The following PSMD12 variants were observed in gnomAD, a reference collection of about 807,000 sequenced individuals.
PSMD12 encodes the protein proteasome 26S subunit, non-ATPase 12.
Under a neutral mutation model 62.9 loss-of-function variants are expected in PSMD12, and 8 were observed. That is an observed-to-expected ratio of 0.13 (90% CI 0.07 to 0.23). The LOEUF is 0.23. PSMD12 is among the 10% of genes least tolerant of loss of function. The probability of loss-of-function intolerance (pLI) is 1.00; values close to 1 mark genes in which losing one functional copy is unlikely to be tolerated. For synonymous variants in PSMD12, 173 were observed against 187.4 expected, an observed-to-expected ratio of 0.92 and a Z score of 0.63; for missense variants, 424 against 550.2, an observed-to-expected ratio of 0.77 and a Z score of 2.29.
At chr17:67,342,363 G>C in intron 9 of PSMD12, 100 bp from the exon 10 acceptor site, 1 of 770,286 alleles carries the variant, frequency 1.3e-6, no homozygotes, top group East Asian at 2.6e-5. Context: ...TAAAATGTTA[G>C]ACTCAGAGCT....
intron 1 of PSMD12, 107 bp downstream of exon 1, chr17:67,366,305 C>A (rs975204837): frequency 2.8e-6 from 3 of 1,077,250 alleles, no homozygotes; most frequent in Non-Finnish European, 4.0e-6. Context: ...GCTGGACAGG[C>A]ATTGGGGGGT....
In PSMD12 at chr17:67,350,258, C is replaced by G; in HGVS notation, c.376G>C (p.Asp126His). Residue 126 changes from aspartate to histidine, a missense_variant, in exon 4 of 11, where the codon GAT becomes CAT. Physicochemically the swap from Asp to His is moderately conservative, Grantham distance 81. Transcript: ENST00000356126. ...CCTTCGGTAACCATTCGTAGAGTAT[C>G]AATTAATCGAAGTTTGATAGGAAGG... is the stretch of plus-strand genomic sequence containing the variant. ...TDLPIKLRLIDTLRMVTEGKI... is the reference protein window; with the variant it reads ...TDLPIKLRLIHTLRMVTEGKI... 1 of 1,612,594 alleles carries G rather than the reference C, an allele frequency of 6.2e-7. No individual in the cohort carries two copies. The highest frequency in any genetic ancestry group is 8.5e-7 in the Non-Finnish European group (1 of 1,179,276).
At chr17:67,348,165 G>A (rs1428830790) in intron 5 of PSMD12, among the ~76,000 whole-genome samples, 1 of 152,140 alleles carries the variant, frequency 6.6e-6, no homozygotes, top group Non-Finnish European at 1.5e-5. Flanking sequence ...TGGGTCATAT[G>A]GTAAGCATAT....
Position 67,339,968 on chromosome 17 carries a change from A to G in PSMD12, c.*875T>C, listed in dbSNP as rs1048300185. 1 of 151,780 alleles carries G rather than the reference A, an allele frequency of 6.6e-6. No individual in the cohort carries two copies. The highest frequency in any genetic ancestry group is 2.4e-5 in the African/African-American group (1 of 41,364). The allele number at this position is 151,780 out of a possible 1,614,324, so 9.4% of individuals were successfully genotyped here. The stretch of plus-strand genomic sequence containing the variant: ...AATGGAACTAAAAGTTCCTACAGAG[A>G]TAATGAATTTGGAACAATAATGATG... On this transcript the variant is annotated 3_prime_UTR_variant, in exon 11 of 11. Transcript: ENST00000356126.
At chr17:67,356,070 C>G (rs1028330225) in intron 3 of PSMD12, among the ~76,000 whole-genome samples, 6 of 152,018 alleles carry the variant, frequency 3.9e-5, no homozygotes, top group Non-Finnish European at 7.4e-5. Flanking sequence ...TCAGTTTTCT[C>G]AGGCAGGCAC....
intron 7 of PSMD12, among the ~76,000 whole-genome samples, chr17:67,346,190 C>G (rs1008036292): frequency 9.9e-5 from 15 of 151,876 alleles, no homozygotes; most frequent in African/African-American, 3.1e-4. Context: ...GTCAGGAGAT[C>G]GAGACCATCC....
intron 8 of PSMD12, among the ~76,000 whole-genome samples, chr17:67,345,100 T>A (rs188867572): frequency 6.6e-6 from 1 of 152,334 alleles, no homozygotes; most frequent in East Asian, 1.9e-4. Flanking sequence ...CTATTTTATA[T>A]AATAGATTTT....
In PSMD12 at chr17:67,340,024, AAGCC is replaced by A. The variant is rs2041896755; in HGVS notation, c.*815_*818del. 2.0e-5 allele frequency: 3 copies of A among 151,084 alleles called. No homozygotes were observed. Among genetic ancestry groups the A allele is most frequent in the Non-Finnish European group, 4.4e-5 (3 of 67,852 alleles). The allele number at this position is 151,084 out of a possible 1,614,324, so 9.4% of individuals were successfully genotyped here. On this transcript the variant is annotated 3_prime_UTR_variant, in exon 11 of 11. Transcript: ENST00000356126. ...AGACTTACAAGTTAAAGCCACAAAT[AAGCC>A]TTATAAAAACAACTTTATGTTAAAT...
chr17:67,345,904 A>G (rs1181177538), intron 7 of PSMD12, 47 bp from the exon 8 acceptor site: 6 of 1,487,330 alleles, frequency 4.0e-6, no homozygotes, highest in Non-Finnish European at 5.6e-6. Flanking sequence ...GACATAATGG[A>G]AACTTTGACA....
intron 9 of PSMD12, among the ~76,000 whole-genome samples, 178 bp downstream of exon 9, chr17:67,344,428 G>C (rs2041944308): frequency 6.6e-6 from 1 of 151,718 alleles, no homozygotes; most frequent in Non-Finnish European, 1.5e-5. Context: ...TACTACAGTG[G>C]GCATAGAAAA....
At chr17:67,364,086 C>A (rs567730725) in intron 1 of PSMD12, among the ~76,000 whole-genome samples, 6 of 152,040 alleles carry the variant, frequency 3.9e-5, no homozygotes, top group East Asian at 1.9e-4. Context: ...AAAAGCAAAA[C>A]AGAAAAATAT....
In PSMD12 at chr17:67,347,097, T is replaced by G; in HGVS notation, c.795+19A>C. On this transcript the variant is annotated intron_variant, in intron 7 of 10. Transcript: ENST00000356126. Reference sequence around the variant, plus strand: ...CTTCTGAATAAGAAGCCATGTCAATTACACGAATATATTCTTACCTGCTGC... The same window carrying G: ...CTTCTGAATAAGAAGCCATGTCAATGACACGAATATATTCTTACCTGCTGC... 1.3e-6 allele frequency: 2 copies of G among 1,562,852 alleles called. No individual in the cohort carries two copies. Among genetic ancestry groups the G allele is most frequent in the Non-Finnish European group, 1.7e-6 (2 of 1,155,366 alleles).
chr17:67,358,567 CAAAAAA>C (rs398039153), intron 1 of PSMD12, among the ~76,000 whole-genome samples: 9 of 74,076 alleles, frequency 1.2e-4, no homozygotes, highest in African/African-American at 2.1e-4. Flanking sequence ...GAACCTGTCT[CAAAAAA>C]AAAAAAAAAA....
intron 3 of PSMD12, among the ~76,000 whole-genome samples, chr17:67,356,876 C>T (rs2042080343): frequency 6.6e-6 from 1 of 151,646 alleles, no homozygotes; most frequent in African/African-American, 2.4e-5. Context: ...CCAGGTGTGG[C>T]GGCATGCGCT....
At chr17:67,355,841 T>C (rs745851517) in intron 3 of PSMD12, among the ~76,000 whole-genome samples, 3 of 151,892 alleles carry the variant, frequency 2.0e-5, no homozygotes, top group Non-Finnish European at 4.4e-5. Context: ...CAAAAATAAG[T>C]TGGAAGCCGG....
At chr17:67,358,471 A>C (rs979264713) in intron 1 of PSMD12, among the ~76,000 whole-genome samples, 7 of 146,926 alleles carry the variant, frequency 4.8e-5, no homozygotes, top group East Asian at 2.1e-4. Flanking sequence ...TGGAGGCTGA[A>C]GTGGGAGGCT....
At chr17:67,353,461 G>A (rs912044358) in intron 3 of PSMD12, among the ~76,000 whole-genome samples, 2 of 151,976 alleles carry the variant, frequency 1.3e-5, no homozygotes, top group Non-Finnish European at 2.9e-5. Context: ...GCGCCACCAT[G>A]CCTGGCTAAT....
At chr17:67,366,238 C>T (rs987431085) in intron 1 of PSMD12, among the ~76,000 whole-genome samples, 174 bp downstream of exon 1, 4 of 152,224 alleles carry the variant, frequency 2.6e-5, no homozygotes, top group South Asian at 2.1e-4. Context: ...CGCTGGCGTA[C>T]TCCGCAGCCC....
In PSMD12 at chr17:67,340,766, C is replaced by G. The variant is rs1020293765; in HGVS notation, c.*77G>C. ...AAGACAAAGAAGCTTAGAAAAAAAACCCCAACATATACACCATTATAACAG... is the reference window on the plus strand; with the variant it reads ...AAGACAAAGAAGCTTAGAAAAAAAAGCCCAACATATACACCATTATAACAG... On this transcript the variant is annotated 3_prime_UTR_variant, in exon 11 of 11. Coordinates refer to ENST00000356126, the MANE Select transcript of PSMD12 (RefSeq NM_002816.5). 1 of 1,173,406 alleles carries G rather than the reference C, an allele frequency of 8.5e-7. No individual in the cohort carries two copies. The allele number at this position is 1,173,406 out of a possible 1,614,324, so 72.7% of individuals were successfully genotyped here. A position where few individuals can be genotyped will look rare whatever the true frequency, so the allele number is the denominator to read the frequency against.
Sources: allele counts gnomAD v4.1 joint callset (sites outside exome capture counted in the v4.1 genomes callset), GRCh38; gene constraint gnomAD v4.1.1; transcripts MANE v1.5; gene names NCBI Gene and HGNC (gene_info 2026-07-23, HGNC 2026-07-21).